LARGE1: variants seen among roughly 807,000 people sequenced by gnomAD.
LARGE1 encodes LARGE xylosyl- and glucuronyltransferase 1.
In LARGE1, 43 loss-of-function variants were observed where a neutral mutation model predicts 87.6. That is an observed-to-expected ratio of 0.49 (90% CI 0.38 to 0.63). LARGE1 has a LOEUF of 0.63. LARGE1 is among the 30% of genes least tolerant of loss of function. LARGE1 has a pLI of 0.00. For synonymous variants in LARGE1, 434 were observed against 394.6 expected, an observed-to-expected ratio of 1.10 and a Z score of -1.18; for missense variants, 802 against 1,000.2, an observed-to-expected ratio of 0.80 and a Z score of 2.67.
chr22:33,483,235 G>C (rs1358214610), intron 6 of LARGE1, among the ~76,000 whole-genome samples: 1 of 152,296 alleles, frequency 6.6e-6, no homozygotes, highest in East Asian at 1.9e-4. Flanking sequence ...GGCCTCACCA[G>C]AGAAGGTCAT....
At chr22:33,656,913 A>G (rs1221030303) in intron 2 of LARGE1, 1 of 152,250 alleles carries the variant, frequency 6.6e-6, no homozygotes, top group East Asian at 1.9e-4. Flanking sequence ...AAGAAGGTAA[A>G]TTGAAAATCA....
chr22:33,125,955 C>T, the LARGE1 span, among the ~76,000 whole-genome samples: 10 of 152,030 alleles, frequency 6.6e-5, no homozygotes, highest in Admixed American at 1.3e-4. Context: ...ACTGTGTTGG[C>T]GAGGCTGGTC....
At chr22:33,261,464 T>A (rs2145748128) in intron 11 of LARGE1, among the ~76,000 whole-genome samples, 1 of 152,308 alleles carries the variant, frequency 6.6e-6, no homozygotes. Flanking sequence ...TGGGCCATTT[T>A]TCTGTGTCCC....
intron 9 of LARGE1, among the ~76,000 whole-genome samples, chr22:33,359,160 C>T (rs1207542566): frequency 2.0e-5 from 3 of 152,038 alleles, no homozygotes; most frequent in Admixed American, 6.6e-5. Flanking sequence ...TAGTTCTATA[C>T]AGTCATTATG....
At chr22:33,464,883 G>A (rs981300689) in intron 6 of LARGE1, among the ~76,000 whole-genome samples, 1 of 127,066 alleles carries the variant, frequency 7.9e-6, no homozygotes, top group Non-Finnish European at 1.5e-5. Context: ...GCACACACAT[G>A]CACACACATA....
At chr22:33,074,353 A>G in the LARGE1 span, among the ~76,000 whole-genome samples, 2 of 152,138 alleles carry the variant, frequency 1.3e-5, no homozygotes, top group African/African-American at 4.8e-5. Flanking sequence ...TGAGCAAGGA[A>G]TGGCCTTAAG....
chr22:33,473,551 C>G (rs1241170628), intron 6 of LARGE1, among the ~76,000 whole-genome samples: 1 of 152,132 alleles, frequency 6.6e-6, no homozygotes, highest in East Asian at 1.9e-4. Context: ...GACGAGGTTT[C>G]ACCCTGTTGG....
the LARGE1 span, among the ~76,000 whole-genome samples, chr22:33,134,255 CTTTTTTTTTTTTTT>C: frequency 8.0e-6 from 1 of 124,374 alleles, no homozygotes; most frequent in Non-Finnish European, 1.7e-5. Context: ...AAAGAACTCC[CTTTTTTTTTTTTTT>C]TTTTTTTGAG....
intron 2 of LARGE1, among the ~76,000 whole-genome samples, chr22:33,662,297 T>C (rs936137214): frequency 1.3e-5 from 2 of 152,078 alleles, no homozygotes; most frequent in Non-Finnish European, 2.9e-5. Flanking sequence ...TCTTCCCTTA[T>C]ACTGCATGTA....
At chr22:33,413,913 C>T (rs2066398497) in intron 7 of LARGE1, among the ~76,000 whole-genome samples, 1 of 152,166 alleles carries the variant, frequency 6.6e-6, no homozygotes, top group African/African-American at 2.4e-5. Context: ...TGCATGAATA[C>T]ACCACATTTT....
intron 6 of LARGE1, among the ~76,000 whole-genome samples, chr22:33,486,657 G>A (rs1194556031): frequency 6.6e-6 from 1 of 152,168 alleles, no homozygotes; most frequent in Non-Finnish European, 1.5e-5. Context: ...AATTTTCACA[G>A]AATTCATCTA....
At chr22:33,876,917 G>A (rs1038689220) in intron 1 of LARGE1, among the ~76,000 whole-genome samples, 9 of 149,408 alleles carry the variant, frequency 6.0e-5, no homozygotes, top group Admixed American at 2.0e-4. Context: ...GACTGTCCTC[G>A]GCTCAGGGAA....
intron 2 of LARGE1, among the ~76,000 whole-genome samples, chr22:33,651,573 C>T (rs142637723): frequency 3.3e-4 from 50 of 152,068 alleles, no homozygotes; most frequent in Middle Eastern, 3.4e-3. Context: ...TTGTATGTAG[C>T]GCTATGAAAA....
intron 2 of LARGE1, among the ~76,000 whole-genome samples, chr22:33,666,917 G>A (rs1320251117): frequency 6.6e-6 from 1 of 152,168 alleles, no homozygotes; most frequent in Admixed American, 6.5e-5. Context: ...GGAGGCTTGG[G>A]TGGGTGGGGC....
intron 11 of LARGE1, among the ~76,000 whole-genome samples, chr22:33,252,706 G>T (rs1473845467): frequency 6.6e-6 from 1 of 150,472 alleles, no homozygotes; most frequent in African/African-American, 2.4e-5. Flanking sequence ...TTACAACTTT[G>T]TCAGCCTCTG....
In LARGE1 at chr22:33,897,738, A is replaced by C. The variant is rs562351192; in HGVS notation, c.-83+22257T>G. ...GAAGGGGACAAATAAAAATAAGTAC[A>C]TTAAGCACAATAAATCACAGGGACC... On this transcript the variant is annotated intron_variant, in intron 1 of 14. Coordinates refer to ENST00000397394, the MANE Select transcript of LARGE1 (RefSeq NM_133642.5). Among the ~76,000 whole-genome samples the C allele has an allele frequency of 1.1e-4, 17 of 152,328 alleles. 1 individual carries two copies. The highest frequency in any genetic ancestry group is 9.1e-4 in the Admixed American group (14 of 15,302).
intron 5 of LARGE1, chr22:33,572,216 C>T (rs1479785220): frequency 1.6e-6 from 2 of 1,281,984 alleles, no homozygotes; most frequent in African/African-American, 1.5e-5. Context: ...AGAAGTCATC[C>T]CAGCTGCAGA....
chr22:33,438,754 C>G (rs8141385), intron 6 of LARGE1, among the ~76,000 whole-genome samples: 14,605 of 152,188 alleles, frequency 0.096, 1,016 homozygotes, highest in Admixed American at 0.21. Context: ...CATGATAAAT[C>G]AGGAAGACAA....
rs553752543 is a variant in LARGE1 at position 33,879,699 on chromosome 22, T to C, written c.-83+40296A>G. 2.0e-5 allele frequency among the ~76,000 whole-genome samples: 3 copies of C among 152,364 alleles called. No homozygotes were observed. In the South Asian group the frequency reaches 6.2e-4, roughly 32 times the overall value. On this transcript the variant is annotated intron_variant, in intron 1 of 14. Transcript: ENST00000397394. ...ATTAATTAACCACTCCTTACTTTGG[T>C]AACGCATGAACTTGAAACACCATCT...
Sources: gnomAD v4.1 joint callset for allele counts (sites outside exome capture counted in the v4.1 genomes callset) on GRCh38, gnomAD v4.1.1 for gene constraint, MANE v1.5 for transcripts, NCBI Gene and HGNC (gene_info 2026-07-23, HGNC 2026-07-21) for gene names.